The following STK33 variants were observed in gnomAD, a reference collection of about 807,000 sequenced individuals.
STK33 encodes serine/threonine-protein kinase 33.
A neutral mutation model predicts 58.0 loss-of-function variants in STK33; 52 were observed. The observed-to-expected ratio is 0.90, with a 90% CI of 0.72 to 1.13. The LOEUF (loss-of-function observed/expected upper bound fraction) is 1.13. Ranked by LOEUF, STK33 falls within the 50% of genes most tolerant of loss-of-function variation. The pLI is 0.00. For missense variants in STK33, 630 were observed against 604.2 expected, an observed-to-expected ratio of 1.04 and a Z score of -0.45; for synonymous variants, 215 against 200.1, an observed-to-expected ratio of 1.07 and a Z score of -0.63.
At chr11:8,552,842 G>C (rs985375088) in intron 1 of STK33, among the ~76,000 whole-genome samples, 1 of 151,912 alleles carries the variant, frequency 6.6e-6, no homozygotes, top group East Asian at 1.9e-4. Context: ...GAAAAGAGGA[G>C]ACTCTAAAAT....
At chr11:8,364,274 G>A in the STK33 span, among the ~76,000 whole-genome samples, 1 of 152,166 alleles carries the variant, frequency 6.6e-6, no homozygotes, top group Non-Finnish European at 1.5e-5. Context: ...CGTTGGAGTC[G>A]AATTTTACTT....
chr11:8,474,639 G>T, intron 5 of STK33, 42 bp downstream of exon 5: 1 of 1,450,038 alleles, frequency 6.9e-7, no homozygotes, highest in South Asian at 1.3e-5. Context: ...TTAGGGAACG[G>T]GATGTCAACT....
intron 8 of STK33, among the ~76,000 whole-genome samples, chr11:8,458,013 T>A (rs1386260386): frequency 6.6e-6 from 1 of 151,860 alleles, no homozygotes; most frequent in Non-Finnish European, 1.5e-5. Flanking sequence ...TTGTAAAGAG[T>A]TCTGGATATC....
intron 1 of STK33, among the ~76,000 whole-genome samples, chr11:8,561,630 G>A (rs1326929524): frequency 3.3e-5 from 5 of 152,000 alleles, no homozygotes; most frequent in African/African-American, 4.8e-5. Context: ...TTGTCCATTC[G>A]TTCTACTCTC....
intron 11 of STK33, among the ~76,000 whole-genome samples, chr11:8,445,973 CTCTGGT>C (rs1945403512): frequency 6.6e-6 from 1 of 152,116 alleles, no homozygotes; most frequent in East Asian, 1.9e-4. Flanking sequence ...CTCCTTGTAC[CTCTGGT>C]AGAATTCGGC....
intron 1 of STK33, among the ~76,000 whole-genome samples, chr11:8,573,300 A>G (rs1264712596): frequency 6.6e-6 from 1 of 152,262 alleles, no homozygotes; most frequent in Non-Finnish European, 1.5e-5. Context: ...CTTTTCACAG[A>G]AGAAGATACA....
intron 10 of STK33, among the ~76,000 whole-genome samples, chr11:8,453,164 T>G (rs1242430023): frequency 6.6e-6 from 1 of 152,234 alleles, no homozygotes; most frequent in African/African-American, 2.4e-5. Context: ...GCCATCTGAT[T>G]AAATTCACCA....
chr11:8,558,398 TACACACACAC>T (rs71059170), intron 1 of STK33, among the ~76,000 whole-genome samples: 56 of 149,788 alleles, frequency 3.7e-4, no homozygotes, highest in Middle Eastern at 3.4e-3. Context: ...TTGTCAGTGA[TACACACACAC>T]ACACACACAC....
chr11:8,468,736 T>G (rs937764589), intron 6 of STK33, among the ~76,000 whole-genome samples: 3 of 152,176 alleles, frequency 2.0e-5, no homozygotes, highest in Non-Finnish European at 2.9e-5. Flanking sequence ...TCAGAAAACT[T>G]AATTATAAAA....
intron 1 of STK33, among the ~76,000 whole-genome samples, chr11:8,523,897 A>C (rs1953788696): frequency 6.6e-6 from 1 of 152,274 alleles, no homozygotes; most frequent in South Asian, 2.1e-4. Context: ...TGTGGGAAAA[A>C]GAAAGAGATC....
intron 14 of STK33, among the ~76,000 whole-genome samples, chr11:8,414,013 G>C (rs1940732587): frequency 6.6e-6 from 1 of 152,114 alleles, no homozygotes; most frequent in South Asian, 2.1e-4. Context: ...CTATAGCGCT[G>C]TTCTTAGAAA....
chr11:8,414,274 T>C (rs994940548), intron 14 of STK33, among the ~76,000 whole-genome samples: 12 of 152,204 alleles, frequency 7.9e-5, no homozygotes, highest in African/African-American at 2.9e-4. Flanking sequence ...CATATGACTA[T>C]ACCATGCCAA....
chr11:8,415,917 G>A (rs943879053), intron 14 of STK33, among the ~76,000 whole-genome samples: 3 of 152,068 alleles, frequency 2.0e-5, no homozygotes, highest in African/African-American at 7.2e-5. Flanking sequence ...AGTCAACATG[G>A]TATATGAACT....
the STK33 span, among the ~76,000 whole-genome samples, chr11:8,336,655 C>A: frequency 6.6e-6 from 1 of 152,240 alleles, no homozygotes; most frequent in Non-Finnish European, 1.5e-5. Flanking sequence ...CAAGACCTAG[C>A]CCTTCCCCTT....
chr11:8,527,808 C>T (rs1411223998), intron 1 of STK33, among the ~76,000 whole-genome samples: 1 of 152,138 alleles, frequency 6.6e-6, no homozygotes, highest in Non-Finnish European at 1.5e-5. Flanking sequence ...GGAAACAGCC[C>T]ATTTACCAAA....
chr11:8,535,414 A>C (rs1192077790), intron 1 of STK33, among the ~76,000 whole-genome samples: 3 of 152,198 alleles, frequency 2.0e-5, no homozygotes, highest in Non-Finnish European at 4.4e-5. Flanking sequence ...GTCCCACTAA[A>C]AGGTGGGCAA....
chr11:8,408,711 A>C (rs1342511642), intron 15 of STK33, among the ~76,000 whole-genome samples: 1 of 152,218 alleles, frequency 6.6e-6, no homozygotes, highest in Non-Finnish European at 1.5e-5. Flanking sequence ...ACAGGACTTG[A>C]CATTTATATT....
chr11:8,459,926 C>A (rs1947316360), intron 8 of STK33, among the ~76,000 whole-genome samples: 1 of 152,218 alleles, frequency 6.6e-6, no homozygotes, highest in South Asian at 2.1e-4. Flanking sequence ...CTGGAGCTTA[C>A]ACACAGCCAG....
the STK33 span, among the ~76,000 whole-genome samples, chr11:8,370,358 C>T: frequency 6.6e-6 from 1 of 152,118 alleles, no homozygotes; most frequent in African/African-American, 2.4e-5. Flanking sequence ...CCACCACCCC[C>T]AGCTCATTTC....
Sources: gnomAD v4.1 joint callset for allele counts (sites outside exome capture counted in the v4.1 genomes callset) on GRCh38, gnomAD v4.1.1 for gene constraint, MANE v1.5 for transcripts, NCBI Gene and HGNC (gene_info 2026-07-23, HGNC 2026-07-21) for gene names.